Variants in ANKRD27 observed in about 807,000 individuals in gnomAD.
ANKRD27 encodes ankyrin repeat domain-containing protein 27.
In ANKRD27, 112 loss-of-function variants were observed where a neutral mutation model predicts 129.7. That is an observed-to-expected ratio of 0.86 (90% CI 0.74 to 1.01). The LOEUF is 1.01. Ranked by LOEUF, ANKRD27 falls within the 50% of genes least tolerant of loss-of-function variation. The pLI is 0.00. For missense variants in ANKRD27, 1,258 were observed against 1,300.5 expected (o/e 0.97, Z 0.50); for synonymous variants, 516 against 511.2 (o/e 1.01, Z -0.13).
intron 1 of ANKRD27, among the ~76,000 whole-genome samples, chr19:32,661,291 A>AT (rs2145320550): frequency 6.6e-6 from 1 of 150,566 alleles, no homozygotes; most frequent in South Asian, 2.1e-4. Context: ...TTGCTTTTTC[A>AT]TTTTGTCAAA....
chr19:32,606,557 C>T (rs370049754), intron 23 of ANKRD27, among the ~76,000 whole-genome samples: 10 of 31,186 alleles, frequency 3.2e-4, no homozygotes, highest in South Asian at 8.8e-4. Flanking sequence ...GCGGTTGAAG[C>T]GCAGGGTGAC....
chr19:32,620,807 G>T (rs1289858865), intron 18 of ANKRD27, among the ~76,000 whole-genome samples: 2 of 147,738 alleles, frequency 1.4e-5, no homozygotes, highest in Admixed American at 7.0e-5. Flanking sequence ...GATGCCTTGA[G>T]CCCAGGAGGC....
At chr19:32,651,867 G>GC (rs1224653315) in intron 2 of ANKRD27, among the ~76,000 whole-genome samples, 2 of 152,170 alleles carry the variant, frequency 1.3e-5, no homozygotes, top group Admixed American at 6.5e-5. Context: ...TAAATCGGGG[G>GC]CCCTCAGGAC....
At chr19:32,604,891 C>T (rs1232998808) in intron 24 of ANKRD27, among the ~76,000 whole-genome samples, 1 of 144,050 alleles carries the variant, frequency 6.9e-6, no homozygotes, top group African/African-American at 2.7e-5. Flanking sequence ...AATCCCATCT[C>T]TACTAAAAAA....
chr19:32,643,766 C>T (rs1417513854), intron 5 of ANKRD27, 135 bp from the exon 6 acceptor site: 5 of 829,266 alleles, frequency 6.0e-6, no homozygotes, highest in Admixed American at 4.3e-5. Context: ...TTTTTCTCAA[C>T]TTTTTTTTTA....
chr19:32,638,786 C>G (rs1289376192), intron 12 of ANKRD27: 1 of 156,396 alleles, frequency 6.4e-6, no homozygotes, highest in African/African-American at 2.4e-5. Context: ...CACCCCACCT[C>G]AGTCGGCACA....
chr19:32,640,062 C>G lies in ANKRD27; in HGVS notation c.983+245G>C, dbSNP rs376805689. ...CTGCAAGCTCCGCCTCCTGGGTTCA[C>G]GCCATTCTCCTGCCTCAGCCTCCTG... is the stretch of plus-strand genomic sequence containing the variant. On this transcript the variant is annotated intron_variant, in intron 11 of 28. Coordinates refer to ENST00000306065, the MANE Select transcript of ANKRD27 (RefSeq NM_032139.3). 3.3e-5 allele frequency among the ~76,000 whole-genome samples: 5 copies of G among 152,190 alleles called. No homozygotes were observed. The East Asian group carries it at 5.8e-4, about 18-fold the overall frequency.
At position 32,622,488 on chromosome 19, in the gene ANKRD27, G is replaced by A. The variant is rs2302968; in HGVS notation, c.1761C>T (p.Asn587=). 543 of 1,600,730 alleles carry A rather than the reference G, an allele frequency of 3.4e-4. 2 individuals are homozygous for A. The East Asian group carries it at 6.2e-3, about 18-fold the overall frequency. ...TGTTCTGGATCTCGGTGGACGCTCCGTTCTGCAGCAATGTCTCTATGACGC... is the reference window on the plus strand; with the variant it reads ...TGTTCTGGATCTCGGTGGACGCTCCATTCTGCAGCAATGTCTCTATGACGC... ...YQGVIETLLQ[N]GASTEIQNRL... is the part of the protein sequence containing the mutation. Residue 587 remains asparagine, a synonymous_variant, in exon 18 of 29, where the codon AAC becomes AAT. Coordinates refer to ENST00000306065, the MANE Select transcript of ANKRD27 (RefSeq NM_032139.3).
At position 32,599,845 on chromosome 19, in the gene ANKRD27, G is replaced by A; in HGVS notation, c.2847-69C>T. The stretch of plus-strand genomic sequence containing the variant: ...ATGAAACACTCTGGTTGGCCACAAG[G>A]TGGCAGCATTTTTGACATTAGTAGG... On this transcript the variant is annotated intron_variant, in intron 27 of 28. Coordinates refer to ENST00000306065, the MANE Select transcript of ANKRD27 (RefSeq NM_032139.3). The A allele has an allele frequency of 5.7e-6, 9 of 1,566,666 alleles. No individual in the cohort carries two copies. In the East Asian group the frequency reaches 6.7e-5, roughly 12 times the overall value.
Position 32,637,074 on chromosome 19 carries a change from TAAAATATAC to T in ANKRD27, c.1116+2273_1116+2281del, listed in dbSNP as rs1411449335. Among the ~76,000 whole-genome samples, 39 of 152,268 alleles carry T rather than the reference TAAAATATAC, an allele frequency of 2.6e-4. No individual in the cohort carries two copies. The South Asian group carries it at 8.1e-3, about 32-fold the overall frequency. ...AGCACACAATATAATTTCAATTATG[TAAAATATAC>T]ATGGGTAGGAAAAAGACTGAAAATG... On this transcript the variant is annotated intron_variant, in intron 12 of 28. Transcript: ENST00000306065.
At position 32,598,203 on chromosome 19, in the gene ANKRD27, C is replaced by T; in HGVS notation, c.3095G>A (p.Gly1032Asp). Reference protein sequence around the residue: ...HTVEDAVVSQGPEAAGPLSTP... With the variant: ...HTVEDAVVSQDPEAAGPLSTP... ...GGAGAGGGGGCCAGCAGCCTCCGGG[C>T]CCTGGGACACGACCGCATCCTCTAC... Residue 1032 changes from glycine (G) to aspartate (D), a missense_variant, in exon 29 of 29, where the codon GGC becomes GAC. Coordinates refer to ENST00000306065, the MANE Select transcript of ANKRD27 (RefSeq NM_032139.3). 6.2e-7 allele frequency: 1 copy of T among 1,614,140 alleles called. No homozygotes were observed. The highest frequency in any genetic ancestry group is 8.5e-7 in the Non-Finnish European group (1 of 1,180,022).
chr19:32,637,011 G>A (rs1967103533), intron 12 of ANKRD27, among the ~76,000 whole-genome samples: 1 of 152,136 alleles, frequency 6.6e-6, no homozygotes, highest in Non-Finnish European at 1.5e-5. Flanking sequence ...GCTTCCCAAA[G>A]TGCTGGGATT....
At chr19:32,648,147 T>A (rs894759904) in intron 3 of ANKRD27, among the ~76,000 whole-genome samples, 2 of 151,958 alleles carry the variant, frequency 1.3e-5, no homozygotes, top group African/African-American at 4.8e-5. Context: ...GTGCTTGCAG[T>A]CCCAGACACT....
At position 32,599,743 on chromosome 19, in the gene ANKRD27, A is replaced by G. The variant is rs2145253231; in HGVS notation, c.2880T>C (p.Asp960=). ...GKTSREIMAR[D]RSVPNLTEGS... is the part of the protein sequence containing the mutation. ...CTTCGGTTAAATTAGGGACACTTCTATCTCTTGCCATAATCTCCCTTGAAG... is the reference window on the plus strand; with the variant it reads ...CTTCGGTTAAATTAGGGACACTTCTGTCTCTTGCCATAATCTCCCTTGAAG... Residue 960 remains aspartate (D), a synonymous_variant, in exon 28 of 29, where the codon GAT becomes GAC. Transcript: ENST00000306065. 2 of 1,613,918 alleles carry G rather than the reference A, an allele frequency of 1.2e-6. No homozygotes were observed. The highest frequency in any genetic ancestry group is 1.7e-6 in the Non-Finnish European group (2 of 1,179,984).
chr19:32,616,256 A>G (rs1971917222), intron 21 of ANKRD27, among the ~76,000 whole-genome samples: 1 of 152,142 alleles, frequency 6.6e-6, no homozygotes, highest in Admixed American at 6.5e-5. Context: ...CTCCTCCATT[A>G]AAAGTGGAAG....
At chr19:32,612,964 T>C (rs1334552122) in intron 22 of ANKRD27, among the ~76,000 whole-genome samples, 1 of 152,158 alleles carries the variant, frequency 6.6e-6, no homozygotes, top group Admixed American at 6.5e-5. Flanking sequence ...AAAACCTTTT[T>C]CTCTGTGAAA....
At chr19:32,621,758 G>A (rs1402967480) in intron 18 of ANKRD27, among the ~76,000 whole-genome samples, 2 of 152,146 alleles carry the variant, frequency 1.3e-5, no homozygotes, top group Admixed American at 6.5e-5. Flanking sequence ...TATTCTGGAC[G>A]TCCATGCTGG....
chr19:32,598,219 C>T lies in ANKRD27; in HGVS notation c.3079G>A (p.Ala1027Thr), dbSNP rs774883566. 3 of 1,614,178 alleles carry T rather than the reference C, an allele frequency of 1.9e-6. No homozygotes were observed. In the South Asian group the frequency reaches 3.3e-5, roughly 18 times the overall value. ...RMLRRHTVEDAVVSQGPEAAG... is the reference protein window; with the variant it reads ...RMLRRHTVEDTVVSQGPEAAG... ...GCCTCCGGGCCCTGGGACACGACCG[C>T]ATCCTCTACCGTGTGTCTCCGCAGC... Residue 1027 changes from alanine to threonine, a missense_variant, in exon 29 of 29, where the codon GCG (alanine) becomes ACG (threonine). Coordinates refer to ENST00000306065, the MANE Select transcript of ANKRD27 (RefSeq NM_032139.3).
intron 22 of ANKRD27, among the ~76,000 whole-genome samples, chr19:32,610,356 G>C (rs1361452823): frequency 2.0e-5 from 3 of 151,514 alleles, no homozygotes; most frequent in Non-Finnish European, 4.4e-5. Context: ...ATGGTGGTAC[G>C]TGCCTGTAGT....
Sources: allele counts gnomAD v4.1 joint callset (sites outside exome capture counted in the v4.1 genomes callset), GRCh38; gene constraint gnomAD v4.1.1; transcripts MANE v1.5; gene names NCBI Gene and HGNC (gene_info 2026-07-23, HGNC 2026-07-21).